Variants in RIMS1 observed in about 807,000 individuals in gnomAD.
RIMS1 encodes regulating synaptic membrane exocytosis protein 1.
RIMS1 carries 83 observed loss-of-function variants against 214.1 expected under a neutral mutation model. The observed-to-expected ratio is 0.39, with a 90% confidence interval of 0.32 to 0.47. The LOEUF (loss-of-function observed/expected upper bound fraction) is 0.47. RIMS1 is among the 20% of genes least tolerant of loss of function. The probability of loss-of-function intolerance (pLI) is 0.99; values close to 1 mark genes in which losing one functional copy is unlikely to be tolerated. For synonymous variants in RIMS1, 793 were observed against 786.8 expected (o/e 1.01, Z -0.13); for missense variants, 2,050 against 2,161.8 (o/e 0.95, Z 1.03).
At position 72,268,810 on chromosome 6, in the gene RIMS1, A is replaced by G. The variant is rs767135180; in HGVS notation, c.3398+2761A>G. ...ATGGAAAACATGCTTATGGGTTACC[A>G]TAATTCAGTGAATTATTCCAATTCA... On this transcript the variant is annotated intron_variant, in intron 22 of 33. Transcript: ENST00000521978. Among the ~76,000 whole-genome samples the G allele has an allele frequency of 3.3e-5, 5 of 152,348 alleles. No homozygotes were observed. The South Asian group carries it at 6.2e-4, about 19-fold the overall frequency.
At chr6:72,006,725 T>G (rs927685019) in intron 2 of RIMS1, among the ~76,000 whole-genome samples, 12 of 152,206 alleles carry the variant, frequency 7.9e-5, no homozygotes, top group Non-Finnish European at 1.5e-4. Flanking sequence ...CCTTGCTCAT[T>G]GCTAGCACAG....
Position 72,228,304 on chromosome 6 carries a change from C to T in RIMS1, c.1679-5469C>T, listed in dbSNP as rs765721200. 5.9e-5 allele frequency among the ~76,000 whole-genome samples: 9 copies of T among 151,936 alleles called. No homozygotes were observed. In the South Asian group the frequency reaches 1.9e-3, roughly 32 times the overall value. ...CTTTGTACCTTTTGACTTATACCTC[C>T]CCGTTTCCCCTGTTCCCCATCTGCT... On this transcript the variant is annotated intron_variant, in intron 6 of 33. Transcript: ENST00000521978.
chr6:72,244,542 A>T (rs988007836), intron 10 of RIMS1, among the ~76,000 whole-genome samples: 1 of 151,834 alleles, frequency 6.6e-6, no homozygotes, highest in East Asian at 1.9e-4. Flanking sequence ...TTGTTCCTGG[A>T]TTTTTTTACA....
intron 29 of RIMS1, among the ~76,000 whole-genome samples, chr6:72,371,179 A>T (rs1050151499): frequency 3.3e-5 from 5 of 152,082 alleles, no homozygotes; most frequent in African/African-American, 7.2e-5. Flanking sequence ...GTGTGTGCAC[A>T]TGTGTGGTCT....
chr6:72,365,833 T>A (rs1564561132), intron 29 of RIMS1: 2 of 152,218 alleles, frequency 1.3e-5, no homozygotes, highest in African/African-American at 2.4e-5. Context: ...TCCTGTTGTT[T>A]CCATATTCCT....
intron 1 of RIMS1, among the ~76,000 whole-genome samples, chr6:71,895,673 C>CAAAAAAAAA (rs70994105): frequency 1.6e-5 from 1 of 64,222 alleles, no homozygotes; most frequent in African/African-American, 6.4e-5. Flanking sequence ...GACTCCCTCT[C>CAAAAAAAAA]AAAAAAAAAA....
At chr6:71,974,350 G>A (rs973587168) in intron 2 of RIMS1, among the ~76,000 whole-genome samples, 8 of 152,074 alleles carry the variant, frequency 5.3e-5, no homozygotes, top group African/African-American at 1.9e-4. Context: ...AAAGATCAGA[G>A]GCAGGAAGTG....
chr6:72,121,846 G>A (rs983878745), intron 4 of RIMS1, among the ~76,000 whole-genome samples: 12 of 151,702 alleles, frequency 7.9e-5, no homozygotes, highest in Admixed American at 2.0e-4. Flanking sequence ...TAGTTTATTG[G>A]GAGCTTTTAG....
In RIMS1 at chr6:72,392,718, G is replaced by T. The variant is rs746144932; in HGVS notation, c.4526G>T (p.Arg1509Leu). Reference sequence around the variant, plus strand: ...GATAGTTTAATATTTCCTGGAGTGCGACTGGGAGCTGACAGTCAATTCAGT... The same window carrying T: ...GATAGTTTAATATTTCCTGGAGTGCTACTGGGAGCTGACAGTCAATTCAGT... ...SEGNLIFPGVRLGADSQFSDF... is the reference protein window; with the variant it reads ...SEGNLIFPGVLLGADSQFSDF... The change falls in exon 31 of 34, where the codon CGA becomes CTA. Residue 1509 changes from arginine to leucine, a missense_variant. Arg to Leu is a moderately radical substitution (Grantham distance 102). Coordinates refer to ENST00000521978, the MANE Select transcript of RIMS1 (RefSeq NM_014989.7). 1 of 1,612,796 alleles carries T rather than the reference G, an allele frequency of 6.2e-7. No individual in the cohort carries two copies. The highest frequency in any genetic ancestry group is 1.1e-5 in the South Asian group (1 of 91,016).
intron 22 of RIMS1, among the ~76,000 whole-genome samples, chr6:72,266,964 T>C (rs1357723850): frequency 6.6e-6 from 1 of 152,130 alleles, no homozygotes; most frequent in Non-Finnish European, 1.5e-5. Flanking sequence ...TTAGGTAACT[T>C]TCTAATCTGA....
chr6:71,927,504 C>T (rs1386161585), intron 1 of RIMS1, among the ~76,000 whole-genome samples: 1 of 152,044 alleles, frequency 6.6e-6, no homozygotes. Context: ...TATTAATTGA[C>T]TGATTAGACA....
At chr6:72,135,835 G>T (rs2041191409) in intron 4 of RIMS1, among the ~76,000 whole-genome samples, 1 of 152,108 alleles carries the variant, frequency 6.6e-6, no homozygotes, top group Non-Finnish European at 1.5e-5. Flanking sequence ...AGTCAGTCAA[G>T]GTACCTACCC....
chr6:72,114,720 T>C lies in RIMS1; in HGVS notation c.471+14734T>C, dbSNP rs570118110. Among the ~76,000 whole-genome samples, 3 of 152,032 alleles carry C rather than the reference T, an allele frequency of 2.0e-5. No individual in the cohort carries two copies. The South Asian group carries it at 6.2e-4, about 32-fold the overall frequency. Reference sequence around the variant, plus strand: ...TCTGTACCTTTTTTTTCCTTAATTATGTTGTTTTGAAACTCCAGTGTTTAA... The same window carrying C: ...TCTGTACCTTTTTTTTCCTTAATTACGTTGTTTTGAAACTCCAGTGTTTAA... On this transcript the variant is annotated intron_variant, in intron 4 of 33. Coordinates refer to ENST00000521978, the MANE Select transcript of RIMS1 (RefSeq NM_014989.7).
chr6:72,079,231 A>T (rs1240021676), intron 2 of RIMS1, among the ~76,000 whole-genome samples: 1 of 152,220 alleles, frequency 6.6e-6, no homozygotes, highest in Admixed American at 6.5e-5. Context: ...ATGTGGGATT[A>T]CTGTGTATTC....
chr6:72,034,505 T>A (rs764542935), intron 2 of RIMS1, among the ~76,000 whole-genome samples: 1 of 152,102 alleles, frequency 6.6e-6, no homozygotes, highest in Admixed American at 6.6e-5. Context: ...TCAGGAATTA[T>A]GTTTTCCTGG....
rs144152390 is a variant in RIMS1, at chr6:71,890,716, T to G, written c.164+3529T>G. Among the ~76,000 whole-genome samples the G allele has an allele frequency of 7.3e-3, 1,105 of 152,136 alleles. 15 individuals carry two copies. Among genetic ancestry groups the G allele is most frequent in the African/African-American group, 0.025 (1,051 of 41,498 alleles). The stretch of plus-strand genomic sequence containing the variant: ...TGGAATATAATGTAAATAGGTAACA[T>G]TTATTGAACATTAACCTCACACTAG... On this transcript the variant is annotated intron_variant, in intron 1 of 33. Coordinates refer to ENST00000521978, the MANE Select transcript of RIMS1 (RefSeq NM_014989.7).
At chr6:72,018,081 T>G (rs1338597446) in intron 2 of RIMS1, among the ~76,000 whole-genome samples, 1 of 152,096 alleles carries the variant, frequency 6.6e-6, no homozygotes, top group African/African-American at 2.4e-5. Context: ...TTGAACCATA[T>G]CACTGTAGCT....
chr6:72,213,343 GCA>G, intron 6 of RIMS1: 2 of 883,962 alleles, frequency 2.3e-6, no homozygotes, highest in Admixed American at 3.1e-5. Flanking sequence ...TGTGTCAGGT[GCA>G]CAGTGTTCTT....
At chr6:71,919,748 G>C (rs1046455973) in intron 1 of RIMS1, among the ~76,000 whole-genome samples, 1 of 152,168 alleles carries the variant, frequency 6.6e-6, no homozygotes, top group Non-Finnish European at 1.5e-5. Context: ...AAGCCCTGAA[G>C]ACTGTAATGT....
Sources: allele counts gnomAD v4.1 joint callset (sites outside exome capture counted in the v4.1 genomes callset), GRCh38; gene constraint gnomAD v4.1.1; transcripts MANE v1.5; gene names NCBI Gene and HGNC (gene_info 2026-07-23, HGNC 2026-07-21).